SEC14L4: variants seen among roughly 807,000 people sequenced by gnomAD.
The protein encoded by SEC14L4 is SEC14 like lipid binding 4.
In SEC14L4, 42 loss-of-function variants were observed where a neutral mutation model predicts 55.1. The ratio of observed to expected loss-of-function variants is 0.76; its 90% CI spans 0.60 to 0.99. The LOEUF is 0.99. Among genes scored for constraint, SEC14L4 ranks in the 50% least tolerant of loss-of-function variants. The pLI, the probability that SEC14L4 is intolerant of heterozygous loss-of-function variation, is 0.00. For missense variants in SEC14L4, 445 were observed against 512.1 expected (o/e 0.87, Z 1.27); for synonymous variants, 206 against 206.8 (o/e 1.00, Z 0.03).
chr22:30,505,045 T>A (rs2146209318), intron 1 of SEC14L4, among the ~76,000 whole-genome samples: 1 of 149,574 alleles, frequency 6.7e-6, no homozygotes, highest in East Asian at 2.0e-4. Context: ...GGCAGGAGAA[T>A]CGCTTGAACT....
intron 2 of SEC14L4, among the ~76,000 whole-genome samples, chr22:30,497,525 A>G (rs1293900531): frequency 3.0e-5 from 4 of 134,646 alleles, no homozygotes; most frequent in South Asian, 2.3e-4. Context: ...ACCCTGTCTG[A>G]AAAAAAAAAA....
intron 1 of SEC14L4, 67 bp downstream of exon 1, chr22:30,505,491 C>A: frequency 6.8e-7 from 1 of 1,465,248 alleles, no homozygotes; most frequent in Non-Finnish European, 9.3e-7. Context: ...GGGGCTCCAG[C>A]CGGGTTGGGC....
Position 30,503,831 on chromosome 22 carries a change from C to T in SEC14L4, c.55-79G>A, listed in dbSNP as rs8138407. 4.5e-3 allele frequency: 4,806 copies of T among 1,072,604 alleles called. 161 individuals carry two copies. In the African/African-American group the frequency reaches 0.065, roughly 15 times the overall value. 66.4% of individuals were successfully genotyped at this position (1,072,604 alleles called of 1,614,324 possible). On this transcript the variant is annotated intron_variant, in intron 1 of 11. Transcript: ENST00000255858. The stretch of plus-strand genomic sequence containing the variant: ...CCAACCCCGCCCCTAACCCTTCCCA[C>T]ATCATCCACCAGTCAACTCCACCAG...
chr22:30,494,048 C>T, intron 7 of SEC14L4, 102 bp downstream of exon 7: 1 of 870,628 alleles, frequency 1.1e-6, no homozygotes, highest in South Asian at 1.5e-5. Flanking sequence ...CCTGGTTCTT[C>T]ACAAAGGATG....
At chr22:30,494,754 T>C in intron 6 of SEC14L4, 112 bp downstream of exon 6, 2 of 718,624 alleles carry the variant, frequency 2.8e-6, no homozygotes, top group Non-Finnish European at 2.5e-6. Flanking sequence ...GTGGAGCCCC[T>C]GCAAGGCATC....
Position 30,505,498 on chromosome 22 carries a change from G to A in SEC14L4, c.54+60C>T, listed in dbSNP as rs976288858. The A allele has an allele frequency of 2.7e-6, 4 of 1,489,272 alleles. No individual in the cohort carries two copies. The South Asian group carries it at 3.6e-5, about 13-fold the overall frequency. The allele number at this position is 1,489,272 out of a possible 1,614,324, so 92.3% of individuals were successfully genotyped here. A position where few individuals can be genotyped will look rare whatever the true frequency, so the allele number is the denominator to read the frequency against. On this transcript the variant is annotated intron_variant, in intron 1 of 11. Coordinates refer to ENST00000255858, the MANE Select transcript of SEC14L4 (RefSeq NM_174977.4). Reference sequence around the variant, plus strand: ...GTACCATGGGGGCTCCAGCCGGGTTGGGCAGTGCCAGGCTGCTCAGGGCCC... The same window carrying A: ...GTACCATGGGGGCTCCAGCCGGGTTAGGCAGTGCCAGGCTGCTCAGGGCCC...
intron 7 of SEC14L4, among the ~76,000 whole-genome samples, chr22:30,492,964 A>C (rs1212440589): frequency 6.6e-6 from 1 of 151,846 alleles, no homozygotes; most frequent in African/African-American, 2.4e-5. Flanking sequence ...CATGCTTGTA[A>C]TCCCGGCTAC....
intron 2 of SEC14L4, among the ~76,000 whole-genome samples, chr22:30,497,867 T>C (rs986336488): frequency 3.3e-5 from 5 of 152,192 alleles, no homozygotes; most frequent in Admixed American, 6.5e-5. Context: ...CCTGAGCTGC[T>C]CATTATGGTA....
chr22:30,492,199 T>G, intron 8 of SEC14L4, 44 bp from the exon 9 acceptor site: 1 of 1,576,222 alleles, frequency 6.3e-7, no homozygotes, highest in Non-Finnish European at 8.6e-7. Context: ...CTCAGGAGAC[T>G]CAACAGAGGG....
chr22:30,501,878 T>TATATATATATATATAC (rs1252400924), intron 2 of SEC14L4, among the ~76,000 whole-genome samples: 4 of 139,684 alleles, frequency 2.9e-5, no homozygotes, highest in Non-Finnish European at 4.7e-5. Context: ...TATATATACA[T>TATATATATATATATAC]ACACATACTT....
chr22:30,502,747 C>T (rs1009361394), intron 2 of SEC14L4, among the ~76,000 whole-genome samples: 5 of 152,084 alleles, frequency 3.3e-5, no homozygotes, highest in Non-Finnish European at 5.9e-5. Flanking sequence ...GATGAGGTTT[C>T]GCCATGTTGC....
In SEC14L4 at chr22:30,491,716, T is replaced by C; in HGVS notation, c.938A>G (p.Asp313Gly). 6.2e-7 allele frequency: 1 copy of C among 1,614,100 alleles called. No homozygotes were observed. Among genetic ancestry groups the C allele is most frequent in the Non-Finnish European group, 8.5e-7 (1 of 1,179,996 alleles). ...LRWQFASDGG[D>G]IGFGVFLKTK... The stretch of plus-strand genomic sequence containing the variant: ...CTTCAGGAAAACCCCAAAGCCGATG[T>C]CCCCACCATCTGAAGCAAACTGCCA... Residue 313 changes from aspartate to glycine, a missense_variant, in exon 11 of 12, where the codon GAC (aspartate) becomes GGC (glycine). Transcript: ENST00000255858.
rs1935886106 is a variant in SEC14L4 at position 30,489,591 on chromosome 22, G to A, written c.*516C>T. On this transcript the variant is annotated 3_prime_UTR_variant, in exon 12 of 12. Coordinates refer to ENST00000255858, the MANE Select transcript of SEC14L4 (RefSeq NM_174977.4). ...GCAGAACAAACTTGGATGGGCCCCAGTGCTCTGCTGGAACCAGGACCCTCA... is the reference window on the plus strand; with the variant it reads ...GCAGAACAAACTTGGATGGGCCCCAATGCTCTGCTGGAACCAGGACCCTCA... The A allele has an allele frequency of 5.3e-6, 3 of 563,360 alleles. No homozygotes were observed. In the South Asian group the frequency reaches 6.7e-5, roughly 13 times the overall value. 34.9% of individuals were successfully genotyped at this position (563,360 alleles called of 1,614,324 possible). A position where few individuals can be genotyped will look rare whatever the true frequency, so the allele number is the denominator to read the frequency against.
At chr22:30,491,365 C>T in intron 11 of SEC14L4, 1 of 618,992 alleles carries the variant, frequency 1.6e-6, no homozygotes, top group South Asian at 2.0e-5. Context: ...GAGCCCAAGG[C>T]CCTAGGTTCT....
intron 2 of SEC14L4, 138 bp downstream of exon 2, chr22:30,503,539 A>G (rs1469120401): frequency 8.2e-6 from 4 of 486,398 alleles, no homozygotes; most frequent in Non-Finnish European, 1.5e-5. Flanking sequence ...CTGGGATTAC[A>G]GGTGTGAGCC....
intron 11 of SEC14L4, 61 bp from the exon 12 acceptor site, chr22:30,490,307 C>A (rs1442938937): frequency 1.2e-6 from 2 of 1,601,234 alleles, no homozygotes; most frequent in Non-Finnish European, 1.7e-6. Context: ...GAAGAGCCAG[C>A]CCTGCATGGG....
At chr22:30,500,594 T>C (rs1936287261) in intron 2 of SEC14L4, among the ~76,000 whole-genome samples, 1 of 151,260 alleles carries the variant, frequency 6.6e-6, no homozygotes, top group Non-Finnish European at 1.5e-5. Context: ...CTTGAACTCC[T>C]GGGTCAAGCA....
chr22:30,491,277 CCCTGACTCTAAGT>C (rs776413740), intron 11 of SEC14L4: 6 of 428,612 alleles, frequency 1.4e-5, no homozygotes, highest in Non-Finnish European at 2.1e-5. Context: ...TTGCCAAGAC[CCCTGACTCTAAGT>C]CCATGGCCTC....
intron 2 of SEC14L4, among the ~76,000 whole-genome samples, chr22:30,502,680 A>G (rs1184263556): frequency 6.6e-6 from 1 of 152,092 alleles, no homozygotes; most frequent in Non-Finnish European, 1.5e-5. Context: ...CCTCCTGAGT[A>G]GCTGGGATTA....
Sources: allele counts gnomAD v4.1 joint callset (sites outside exome capture counted in the v4.1 genomes callset), GRCh38; gene constraint gnomAD v4.1.1; transcripts MANE v1.5; gene names NCBI Gene and HGNC (gene_info 2026-07-23, HGNC 2026-07-21).